Variants in POLN observed in about 807,000 individuals in gnomAD.
POLN encodes DNA polymerase N.
POLN carries 108 observed loss-of-function variants against 113.5 expected under a neutral mutation model. The observed-to-expected ratio is 0.95, with a 90% CI of 0.81 to 1.12. POLN has a LOEUF of 1.12. POLN is among the 50% of genes most tolerant of loss of function. POLN has a pLI of 0.00. For synonymous variants in POLN, 386 were observed against 391.5 expected (o/e 0.99, Z 0.17); for missense variants, 1,097 against 1,077.1 (o/e 1.02, Z -0.26).
chr4:2,113,433 C>T (rs1420766515), intron 19 of POLN, among the ~76,000 whole-genome samples: 2 of 151,958 alleles, frequency 1.3e-5, no homozygotes, highest in Non-Finnish European at 2.9e-5. Context: ...TAAGTCATCA[C>T]AATCTATCTT....
chr4:2,167,590 T>C (rs1732759847), intron 13 of POLN, among the ~76,000 whole-genome samples: 1 of 152,164 alleles, frequency 6.6e-6, no homozygotes, highest in African/African-American at 2.4e-5. Context: ...TGTTCTCTTA[T>C]CACACTTCAT....
intron 7 of POLN, 116 bp downstream of exon 7, chr4:2,193,088 G>T: frequency 1.4e-6 from 1 of 736,438 alleles, no homozygotes; most frequent in Non-Finnish European, 2.3e-6. Flanking sequence ...ATATCAGTCT[G>T]TGTGGCCAGG....
chr4:2,213,714 A>G (rs112976555), intron 3 of POLN, among the ~76,000 whole-genome samples: 50 of 152,306 alleles, frequency 3.3e-4, no homozygotes, highest in African/African-American at 1.2e-3. Context: ...CAATATAAAA[A>G]CATTATACTT....
chr4:2,208,551 CT>C, intron 4 of POLN, 64 bp from the exon 5 acceptor site: 1 of 1,331,164 alleles, frequency 7.5e-7, no homozygotes, highest in Non-Finnish European at 1.0e-6. Flanking sequence ...ATAAACTAAA[CT>C]AATTTCTGGT....
chr4:2,209,711 A>C (rs1005450720), intron 4 of POLN, among the ~76,000 whole-genome samples: 4 of 126,028 alleles, frequency 3.2e-5, no homozygotes, highest in Admixed American at 1.9e-4. Flanking sequence ...GCCCAGGCTG[A>C]AGTGCAGTGG....
chr4:2,095,039 G>A (rs1294830395), intron 20 of POLN, among the ~76,000 whole-genome samples: 1 of 152,144 alleles, frequency 6.6e-6, no homozygotes, highest in Non-Finnish European at 1.5e-5. Context: ...GCTGGCTGGG[G>A]AAACTAGGCC....
chr4:2,233,321 A>C (rs1006475758), intron 2 of POLN, among the ~76,000 whole-genome samples: 4 of 152,184 alleles, frequency 2.6e-5, no homozygotes, highest in African/African-American at 4.8e-5. Flanking sequence ...TAATAATAGA[A>C]ACACAAGTTA....
At chr4:2,077,597 G>A (rs924234599) in intron 23 of POLN, among the ~76,000 whole-genome samples, 20 of 152,260 alleles carry the variant, frequency 1.3e-4, no homozygotes, top group Admixed American at 1.3e-3. Flanking sequence ...TCAGGCAGAA[G>A]TCTTTGTCTC....
At chr4:2,173,891 TG>T in intron 11 of POLN, 63 bp downstream of exon 11, 1 of 1,478,146 alleles carries the variant, frequency 6.8e-7, no homozygotes, top group Non-Finnish European at 9.5e-7. Flanking sequence ...GACCTGCCAC[TG>T]GGAACAACTA....
intron 5 of POLN, among the ~76,000 whole-genome samples, chr4:2,199,573 T>C (rs114845844): frequency 1.3e-5 from 2 of 152,242 alleles, no homozygotes; most frequent in African/African-American, 4.8e-5. Context: ...GGTATATATA[T>C]ACTTTTATTT....
At chr4:2,145,468 A>G (rs1732115514) in intron 16 of POLN, among the ~76,000 whole-genome samples, 1 of 152,204 alleles carries the variant, frequency 6.6e-6, no homozygotes, top group Non-Finnish European at 1.5e-5. Flanking sequence ...GAAAAAGACA[A>G]ACCACTAAAC....
chr4:2,076,857 G>C (rs183749115), intron 23 of POLN: 1 of 152,448 alleles, frequency 6.6e-6, no homozygotes, highest in East Asian at 1.9e-4. Context: ...GCCCCAATCC[G>C]CCCTTCCTCT....
At chr4:2,240,480 T>A in intron 2 of POLN, 1 of 1,613,888 alleles carries the variant, frequency 6.2e-7, no homozygotes, top group South Asian at 1.1e-5. Context: ...GATCATTGCA[T>A]TTAGAATTCC....
intron 16 of POLN, among the ~76,000 whole-genome samples, chr4:2,136,079 G>A (rs571073300): frequency 6.6e-6 from 1 of 152,138 alleles, no homozygotes; most frequent in Non-Finnish European, 1.5e-5. Context: ...TGGTCCCCTC[G>A]TGTTGACCAC....
rs1162630789 is a variant in POLN, at chr4:2,093,775, C to T, written c.2065+2076G>A. ...AATCCAATGTCACACTACTGTCACT[C>T]ACAGAACCTAGTTCTTTAAAACAAA... On this transcript the variant is annotated intron_variant, in intron 20 of 25. Transcript: ENST00000511885. The surrounding 1 kb of genome is among the most constrained non-coding windows in gnomAD (Gnocchi z 4.1). Among the ~76,000 whole-genome samples, 1 of 152,216 alleles carries T rather than the reference C, an allele frequency of 6.6e-6. No homozygotes were observed. Among genetic ancestry groups the T allele is most frequent in the Non-Finnish European group, 1.5e-5 (1 of 68,020 alleles).
At chr4:2,198,808 A>C in intron 5 of POLN, 91 bp from the exon 6 acceptor site, 1 of 1,219,722 alleles carries the variant, frequency 8.2e-7, no homozygotes, top group Non-Finnish European at 1.1e-6. Context: ...AGAAAGAGAA[A>C]AGGCCTAAAA....
intron 16 of POLN, among the ~76,000 whole-genome samples, chr4:2,145,850 T>C (rs1180213441): frequency 6.6e-6 from 1 of 152,152 alleles, no homozygotes; most frequent in Non-Finnish European, 1.5e-5. Flanking sequence ...ACTTTTTTTC[T>C]TGCAGCATTG....
At chr4:2,178,992 G>A (rs1028173370) in intron 8 of POLN, among the ~76,000 whole-genome samples, 5 of 152,068 alleles carry the variant, frequency 3.3e-5, no homozygotes, top group African/African-American at 4.8e-5. Context: ...CTGTGGCCAC[G>A]TCACCAGCCC....
In POLN at chr4:2,089,515, A is replaced by G. The variant is rs1730619325; in HGVS notation, c.2066-3771T>C. On this transcript the variant is annotated intron_variant, in intron 20 of 25. Coordinates refer to ENST00000511885, the MANE Select transcript of POLN (RefSeq NM_181808.4). ...TGGACTTTCACACTGGGAAAACTGC[A>G]AATTATCATTTTTAAAAATGTAATT... The G allele has an allele frequency of 2.3e-6, 3 of 1,304,472 alleles. No individual in the cohort carries two copies. In the Admixed American group the frequency reaches 7.1e-5, roughly 31 times the overall value. The allele number at this position is 1,304,472 out of a possible 1,614,324, so 80.8% of individuals were successfully genotyped here.
Sources: gnomAD v4.1 joint callset for allele counts (sites outside exome capture counted in the v4.1 genomes callset) on GRCh38, gnomAD v4.1.1 for gene constraint, Gnocchi (gnomAD v3.1) non-coding constraint, MANE v1.5 for transcripts, NCBI Gene and HGNC (gene_info 2026-07-23, HGNC 2026-07-21) for gene names.